Variants in PIWIL4 observed in about 807,000 individuals in gnomAD.
PIWIL4 encodes the protein piwi-like protein 4.
PIWIL4 carries 50 observed loss-of-function variants against 100.9 expected under a neutral mutation model. The observed-to-expected ratio is 0.50, with a 90% CI of 0.39 to 0.63. The LOEUF is 0.63. Among genes scored for constraint, PIWIL4 ranks in the 20% least tolerant of loss-of-function variants. The probability of loss-of-function intolerance (pLI) is 0.00; values close to 1 mark genes in which losing one functional copy is unlikely to be tolerated. For missense variants in PIWIL4, 887 were observed against 1,043.3 expected, an observed-to-expected ratio of 0.85 and a Z score of 2.06; for synonymous variants, 342 against 367.5, an observed-to-expected ratio of 0.93 and a Z score of 0.79.
chr11:94,577,573 A>G (rs1948255874), intron 4 of PIWIL4, 81 bp downstream of exon 4: 1 of 1,039,654 alleles, frequency 9.6e-7, no homozygotes, highest in Non-Finnish European at 1.3e-6. Flanking sequence ...ATATATGCAT[A>G]TGCAAGGAGA....
chr11:94,585,437 A>G lies in PIWIL4; in HGVS notation c.636-8A>G. 1.2e-6 allele frequency: 2 copies of G among 1,600,820 alleles called. No individual in the cohort carries two copies. The highest frequency in any genetic ancestry group is 1.1e-5 in the South Asian group (1 of 88,552). Reference sequence around the variant, plus strand: ...ATTTACCAAAAATTCAAAAAAATATACTTGCAGGATCCTCAAAAAGTTGTC... The same window carrying G: ...ATTTACCAAAAATTCAAAAAAATATGCTTGCAGGATCCTCAAAAAGTTGTC... On this transcript the variant is annotated splice_polypyrimidine_tract_variant and splice_region_variant and intron_variant, in intron 5 of 19. Coordinates refer to ENST00000299001, the MANE Select transcript of PIWIL4 (RefSeq NM_152431.3).
chr11:94,602,075 G>C, intron 12 of PIWIL4, 96 bp downstream of exon 12: 1 of 1,173,770 alleles, frequency 8.5e-7, no homozygotes, highest in Non-Finnish European at 1.2e-6. Context: ...CTTTATCCCA[G>C]TAGTTTCCTA....
In PIWIL4 at chr11:94,568,831, A is replaced by G. The variant is rs7105152; in HGVS notation, c.166+23A>G. ...ACGGTAAGTGCAGCTCAGCCTGTTCATTTAGTACCATTCAACCTGAATGGA... is the reference window on the plus strand; with the variant it reads ...ACGGTAAGTGCAGCTCAGCCTGTTCGTTTAGTACCATTCAACCTGAATGGA... On this transcript the variant is annotated intron_variant, in intron 2 of 19. Coordinates refer to ENST00000299001, the MANE Select transcript of PIWIL4 (RefSeq NM_152431.3). The G allele has an allele frequency of 8.2e-5, 128 of 1,563,948 alleles. 2 individuals are homozygous for G. The African/African-American group carries it at 1.6e-3, about 19-fold the overall frequency.
intron 15 of PIWIL4, among the ~76,000 whole-genome samples, chr11:94,615,495 G>T (rs1245417148): frequency 6.6e-6 from 1 of 152,142 alleles, no homozygotes; most frequent in Non-Finnish European, 1.5e-5. Context: ...TGTCAAAATT[G>T]ATGCTTCTGG....
chr11:94,587,359 C>A, intron 7 of PIWIL4, 112 bp downstream of exon 7: 1 of 1,141,826 alleles, frequency 8.8e-7, no homozygotes, highest in Non-Finnish European at 1.2e-6. Flanking sequence ...AATCCATTTA[C>A]TCATCTGTTT....
intron 8 of PIWIL4, among the ~76,000 whole-genome samples, chr11:94,590,599 TA>T (rs1406255287): frequency 1.3e-5 from 2 of 152,218 alleles, no homozygotes; most frequent in African/African-American, 4.8e-5. Context: ...CAAACTAATA[TA>T]ATTCAGACTG....
At chr11:94,574,910 T>C (rs920025088) in intron 2 of PIWIL4, 89 bp from the exon 3 acceptor site, 1 of 1,324,486 alleles carries the variant, frequency 7.6e-7, no homozygotes, top group Non-Finnish European at 1.1e-6. Context: ...ACCACAAGTT[T>C]GGATTGCAAT....
chr11:94,575,554 A>T (rs140877324), intron 3 of PIWIL4, among the ~76,000 whole-genome samples: 5 of 152,204 alleles, frequency 3.3e-5, no homozygotes, highest in Non-Finnish European at 7.3e-5. Flanking sequence ...AAGTAGGTCT[A>T]TTGTTTTCAT....
intron 8 of PIWIL4, among the ~76,000 whole-genome samples, chr11:94,590,059 G>A (rs1344517837): frequency 6.6e-6 from 1 of 152,154 alleles, no homozygotes; most frequent in East Asian, 1.9e-4. Context: ...GTAATATTCA[G>A]GTTAAAACAA....
chr11:94,578,655 G>A (rs899230376), intron 4 of PIWIL4, among the ~76,000 whole-genome samples: 27 of 152,280 alleles, frequency 1.8e-4, no homozygotes, highest in African/African-American at 5.8e-4. Flanking sequence ...AAAATTTGAT[G>A]TCTGTTCTGG....
chr11:94,616,106 T>C (rs1233250695), intron 15 of PIWIL4, among the ~76,000 whole-genome samples: 3 of 152,252 alleles, frequency 2.0e-5, no homozygotes, highest in African/African-American at 7.2e-5. Flanking sequence ...CAAAGTACTA[T>C]GCTAAATATT....
At chr11:94,616,339 G>T (rs1948845741) in intron 15 of PIWIL4, among the ~76,000 whole-genome samples, 154 bp from the exon 16 acceptor site, 3 of 148,170 alleles carry the variant, frequency 2.0e-5, no homozygotes. Flanking sequence ...TTGGGTAAAG[G>T]GTCTCTTTGA....
chr11:94,575,709 G>C (rs1948227476), intron 3 of PIWIL4, among the ~76,000 whole-genome samples: 1 of 152,158 alleles, frequency 6.6e-6, no homozygotes, highest in Non-Finnish European at 1.5e-5. Flanking sequence ...TGAAGCAAAA[G>C]TTTCATGAAA....
intron 4 of PIWIL4, among the ~76,000 whole-genome samples, chr11:94,578,491 AG>A (rs1948271432): frequency 6.6e-6 from 1 of 152,188 alleles, no homozygotes; most frequent in African/African-American, 2.4e-5. Flanking sequence ...AAATCTGTAT[AG>A]ATGGTCTGCA....
chr11:94,582,515 G>A (rs1431367199), intron 4 of PIWIL4, among the ~76,000 whole-genome samples: 1 of 152,182 alleles, frequency 6.6e-6, no homozygotes, highest in Non-Finnish European at 1.5e-5. Context: ...AGTAGAGGCA[G>A]AATACATAAA....
rs749955248 is a variant in PIWIL4 at position 94,607,467 on chromosome 11, A to G, written c.1667A>G (p.Lys556Arg). 12 of 1,614,080 alleles carry G rather than the reference A, an allele frequency of 7.4e-6. No homozygotes were observed. In the South Asian group the frequency reaches 1.2e-4, roughly 16 times the overall value. Residue 556 changes from lysine (K) to arginine (R), a missense_variant, in exon 14 of 20, where the codon AAG (lysine) becomes AGG (arginine). By Grantham distance (26) the Lys-to-Arg change is conservative. Transcript: ENST00000299001. Reference sequence around the variant, plus strand: ...ATGTGCATTCTGCCTTCTAATCAGAAGACCTATTATGATTCCATTAAAAAA... The same window carrying G: ...ATGTGCATTCTGCCTTCTAATCAGAGGACCTATTATGATTCCATTAAAAAA... ...LVMCILPSNQ[K>R]TYYDSIKKYL... is the part of the protein sequence containing the mutation.
At chr11:94,582,599 T>C (rs1409035795) in intron 4 of PIWIL4, among the ~76,000 whole-genome samples, 2 of 152,240 alleles carry the variant, frequency 1.3e-5, no homozygotes, top group African/African-American at 4.8e-5. Flanking sequence ...TGATATTTAT[T>C]GACTGATTTG....
intron 17 of PIWIL4, among the ~76,000 whole-genome samples, chr11:94,619,286 A>G (rs530962002): frequency 1.3e-5 from 2 of 152,302 alleles, no homozygotes; most frequent in African/African-American, 2.4e-5. Flanking sequence ...TGGTCCATCC[A>G]TCCATCCACC....
At chr11:94,615,364 G>C (rs540053166) in intron 15 of PIWIL4, among the ~76,000 whole-genome samples, 1 of 152,306 alleles carries the variant, frequency 6.6e-6, no homozygotes, top group East Asian at 1.9e-4. Flanking sequence ...CGTAGGGGAG[G>C]AGCAATGCAG....
Sources: allele counts gnomAD v4.1 joint callset (sites outside exome capture counted in the v4.1 genomes callset), GRCh38; gene constraint gnomAD v4.1.1; transcripts MANE v1.5; gene names NCBI Gene and HGNC (gene_info 2026-07-23, HGNC 2026-07-21).